RASGRF1: variants seen among roughly 807,000 people sequenced by gnomAD.
The protein encoded by RASGRF1 is ras-specific guanine nucleotide-releasing factor 1.
RASGRF1 carries 40 observed loss-of-function variants against 138.7 expected under a neutral mutation model. The observed-to-expected ratio is 0.29, with a 90% confidence interval of 0.22 to 0.38. The LOEUF (loss-of-function observed/expected upper bound fraction) is 0.38, where lower values mean the gene tolerates loss of function less well. RASGRF1 is among the 10% of genes least tolerant of loss of function. The probability of loss-of-function intolerance (pLI) is 1.00; values close to 1 mark genes in which losing one functional copy is unlikely to be tolerated. For missense variants in RASGRF1, 1,108 were observed against 1,650.4 expected, an observed-to-expected ratio of 0.67 and a Z score of 5.69; for synonymous variants, 614 against 663.2, an observed-to-expected ratio of 0.93 and a Z score of 1.14.
chr15:79,081,396 C>T (rs1039594623), intron 1 of RASGRF1, among the ~76,000 whole-genome samples: 2 of 152,206 alleles, frequency 1.3e-5, no homozygotes, highest in African/African-American at 4.8e-5. Context: ...GGCTTCCTGC[C>T]TCCAGATGGG....
intron 24 of RASGRF1, chr15:78,978,812 C>CCTA: frequency 2.6e-6 from 3 of 1,168,612 alleles, no homozygotes; most frequent in Non-Finnish European, 3.2e-6. Context: ...GTGTGCCCTG[C>CCTA]CTATGTCTCT....
chr15:78,971,101 A>G (rs1268215431), intron 26 of RASGRF1, among the ~76,000 whole-genome samples: 1 of 152,078 alleles, frequency 6.6e-6, no homozygotes, highest in Non-Finnish European at 1.5e-5. Flanking sequence ...GTCTACCCCG[A>G]CCAGGAAAAC....
At chr15:78,993,359 GTT>G (rs2056320945) in intron 20 of RASGRF1, among the ~76,000 whole-genome samples, 1 of 135,566 alleles carries the variant, frequency 7.4e-6, no homozygotes, top group Non-Finnish European at 1.6e-5. Context: ...TGTGGTGTGT[GTT>G]TGGTGTGTGT....
chr15:79,040,382 C>A (rs537572331), intron 5 of RASGRF1, among the ~76,000 whole-genome samples: 64 of 152,312 alleles, frequency 4.2e-4, no homozygotes, highest in Admixed American at 2.3e-3. Flanking sequence ...GCCCCTGGTC[C>A]ACCCATTCTC....
chr15:79,031,316 C>G, intron 8 of RASGRF1, 84 bp downstream of exon 8: 1 of 1,054,822 alleles, frequency 9.5e-7, no homozygotes, highest in Non-Finnish European at 1.4e-6. Context: ...CAAGCTTTGT[C>G]AGGGGTTCAG....
At chr15:79,003,496 A>G (rs1242639698) in intron 15 of RASGRF1, among the ~76,000 whole-genome samples, 1 of 152,248 alleles carries the variant, frequency 6.6e-6, no homozygotes, top group African/African-American at 2.4e-5. Context: ...GGGATGCCGT[A>G]GGATGCTGTG....
At position 78,973,985 on chromosome 15, in the gene RASGRF1, G is replaced by T. The variant is rs1189552499; in HGVS notation, c.3495-565C>A. On this transcript the variant is annotated intron_variant, in intron 24 of 26. Transcript: ENST00000558480. The surrounding 1 kb of genome is among the most constrained non-coding windows in gnomAD (Gnocchi z 4.9). ...AGGGCAGGAAACCCTTGCTCTCTGA[G>T]ATCACTTTCCTGAAAGTGGCTTTGG... Among the ~76,000 whole-genome samples the T allele has an allele frequency of 6.6e-6, 1 of 152,194 alleles. No individual in the cohort carries two copies. The highest frequency in any genetic ancestry group is 1.5e-5 in the Non-Finnish European group (1 of 68,034).
rs958400855 is a variant in RASGRF1 at position 79,025,612 on chromosome 15, G to A, written c.1382-138C>T. ...TTTCCCAGTAGCAAATGTGCCCCTG[G>A]GATACTCCTTTAGGCCTCTCTGCAG... On this transcript the variant is annotated intron_variant, in intron 9 of 26. Coordinates refer to ENST00000558480, the MANE Select transcript of RASGRF1 (RefSeq NM_001145648.3). The A allele has an allele frequency of 6.4e-5, 68 of 1,063,752 alleles. No homozygotes were observed. The African/African-American group carries it at 1.1e-3, about 17-fold the overall frequency. 65.9% of individuals were successfully genotyped at this position (1,063,752 alleles called of 1,614,324 possible). A position where few individuals can be genotyped will look rare whatever the true frequency, so the allele number is the denominator to read the frequency against.
chr15:79,057,513 G>T (rs2057526635), intron 3 of RASGRF1, among the ~76,000 whole-genome samples: 1 of 152,232 alleles, frequency 6.6e-6, no homozygotes, highest in South Asian at 2.1e-4. Flanking sequence ...TGCAAAATCT[G>T]TGGTCCTTGT....
chr15:79,061,519 G>C (rs1054261892), intron 2 of RASGRF1, among the ~76,000 whole-genome samples: 1 of 150,838 alleles, frequency 6.6e-6, no homozygotes, highest in South Asian at 2.1e-4. Flanking sequence ...ATAAACGCAT[G>C]CACTCAAATC....
intron 22 of RASGRF1, among the ~76,000 whole-genome samples, chr15:78,989,160 C>G (rs1346031660): frequency 1.3e-5 from 2 of 152,206 alleles, no homozygotes; most frequent in Admixed American, 1.3e-4. Context: ...GTCTGCCCCC[C>G]AGTTCTCTGC....
At chr15:79,089,975 G>C (rs1314878906) in intron 1 of RASGRF1, among the ~76,000 whole-genome samples, 2 of 152,144 alleles carry the variant, frequency 1.3e-5, no homozygotes, top group Non-Finnish European at 2.9e-5. Context: ...CGCCTCCCAC[G>C]GGGCTCGTCC....
chr15:79,025,305 A>G lies in RASGRF1; in HGVS notation c.1542+9T>C, dbSNP rs781291226. On this transcript the variant is annotated intron_variant, in intron 10 of 26. Coordinates refer to ENST00000558480, the MANE Select transcript of RASGRF1 (RefSeq NM_001145648.3). Reference sequence around the variant, plus strand: ...GGCAGCCCCCAAGCCCCTCTCCCGTAGCCCTTACCTTGGTCAAGTGAAGCT... The same window carrying G: ...GGCAGCCCCCAAGCCCCTCTCCCGTGGCCCTTACCTTGGTCAAGTGAAGCT... 6.3e-7 allele frequency: 1 copy of G among 1,598,604 alleles called. No individual in the cohort carries two copies. Among genetic ancestry groups the G allele is most frequent in the Non-Finnish European group, 8.6e-7 (1 of 1,169,496 alleles).
At chr15:79,008,126 C>T (rs189702797) in intron 13 of RASGRF1, among the ~76,000 whole-genome samples, 15 of 152,346 alleles carry the variant, frequency 9.8e-5, no homozygotes, top group African/African-American at 2.9e-4. Context: ...CAGGCGTGAG[C>T]CACCGCACCT....
chr15:79,005,580 AT>A, intron 14 of RASGRF1: 1 of 986,248 alleles, frequency 1.0e-6, no homozygotes, highest in Non-Finnish European at 1.2e-6. Context: ...CAAGTCCTTC[AT>A]TGCCCCATGA....
At chr15:78,993,630 A>C (rs2056328226) in intron 20 of RASGRF1, among the ~76,000 whole-genome samples, 1 of 152,106 alleles carries the variant, frequency 6.6e-6, no homozygotes, top group African/African-American at 2.4e-5. Context: ...GAAGCAGCTG[A>C]GTGAATAAAT....
chr15:79,042,742 G>T (rs1182636682), intron 5 of RASGRF1, among the ~76,000 whole-genome samples: 1 of 152,280 alleles, frequency 6.6e-6, no homozygotes, highest in Admixed American at 6.5e-5. Context: ...TGCCTCTGAG[G>T]ATCAGAAAGC....
At chr15:79,047,299 A>T (rs1330087199) in intron 4 of RASGRF1, among the ~76,000 whole-genome samples, 1 of 152,182 alleles carries the variant, frequency 6.6e-6, no homozygotes, top group African/African-American at 2.4e-5. Flanking sequence ...CTTATTGGAA[A>T]TGCAGATTCT....
At chr15:79,051,415 T>C (rs1220538708) in intron 3 of RASGRF1, among the ~76,000 whole-genome samples, 1 of 150,762 alleles carries the variant, frequency 6.6e-6, no homozygotes, top group Non-Finnish European at 1.5e-5. Context: ...ATTGAAATGA[T>C]GACTGATTCT....
Sources: gnomAD v4.1 joint callset for allele counts (sites outside exome capture counted in the v4.1 genomes callset) on GRCh38, gnomAD v4.1.1 for gene constraint, Gnocchi (gnomAD v3.1) non-coding constraint, MANE v1.5 for transcripts, NCBI Gene and HGNC (gene_info 2026-07-23, HGNC 2026-07-21) for gene names.